KLF12: variants seen among roughly 807,000 people sequenced by gnomAD.
KLF12 encodes the protein Krueppel-like factor 12.
KLF12 carries 9 observed loss-of-function variants against 37.8 expected under a neutral mutation model. That is an observed-to-expected ratio of 0.24 (90% CI 0.14 to 0.42). KLF12 has a LOEUF of 0.42. Ranked by LOEUF, KLF12 falls within the 10% of genes least tolerant of loss-of-function variation. The pLI is 1.00. For synonymous variants in KLF12, 208 were observed against 202.1 expected, an observed-to-expected ratio of 1.03 and a Z score of -0.25; for missense variants, 411 against 516.0, an observed-to-expected ratio of 0.80 and a Z score of 1.97.
chr13:73,759,077 C>T (rs1879375093), intron 6 of KLF12, among the ~76,000 whole-genome samples: 1 of 152,114 alleles, frequency 6.6e-6, no homozygotes, highest in African/African-American at 2.4e-5. Flanking sequence ...ACCCTGCAGG[C>T]ACTTCTTTTT....
At chr13:74,125,328 A>G (rs1039012038) in intron 1 of KLF12, among the ~76,000 whole-genome samples, 1 of 152,170 alleles carries the variant, frequency 6.6e-6, no homozygotes, top group South Asian at 2.1e-4. Flanking sequence ...CAGGTGCTTT[A>G]AACAACTTAC....
At chr13:74,256,615 G>A in the KLF12 span, among the ~76,000 whole-genome samples, 2 of 152,020 alleles carry the variant, frequency 1.3e-5, no homozygotes, top group Non-Finnish European at 2.9e-5. Context: ...CACATTGGTG[G>A]TGGTGGTAGT....
At chr13:74,145,209 G>A in the KLF12 span, among the ~76,000 whole-genome samples, 10 of 152,100 alleles carry the variant, frequency 6.6e-5, no homozygotes, top group South Asian at 2.1e-4. Flanking sequence ...AGATGTGACC[G>A]TCGTATCTTA....
chr13:74,292,452 CT>C, the KLF12 span, among the ~76,000 whole-genome samples: 191 of 136,322 alleles, frequency 1.4e-3, no homozygotes, highest in Middle Eastern at 3.7e-3. Context: ...GTTTCTTTTT[CT>C]TTTTTTTTTT....
chr13:74,171,182 G>T, the KLF12 span, among the ~76,000 whole-genome samples: 1 of 152,158 alleles, frequency 6.6e-6, no homozygotes, highest in African/African-American at 2.4e-5. Context: ...TTTCCAGAAG[G>T]ATCCATCTCC....
chr13:74,073,568 T>C (rs1165836648), intron 1 of KLF12, among the ~76,000 whole-genome samples: 1 of 152,222 alleles, frequency 6.6e-6, no homozygotes, highest in Non-Finnish European at 1.5e-5. Flanking sequence ...AGTTTTGTTC[T>C]AGTGGTGGCC....
intron 6 of KLF12, among the ~76,000 whole-genome samples, chr13:73,735,621 T>C (rs1434466565): frequency 6.6e-6 from 1 of 151,974 alleles, no homozygotes; most frequent in Non-Finnish European, 1.5e-5. Context: ...CAGCATTTGG[T>C]CAAAAAAGGG....
intron 1 of KLF12, among the ~76,000 whole-genome samples, chr13:74,078,347 A>AT (rs1357086810): frequency 6.6e-6 from 1 of 152,232 alleles, no homozygotes; most frequent in Non-Finnish European, 1.5e-5. Flanking sequence ...TCCAAAGCAC[A>AT]TAACTGTTAC....
chr13:74,172,282 A>G, the KLF12 span, among the ~76,000 whole-genome samples: 9 of 152,156 alleles, frequency 5.9e-5, no homozygotes, highest in Non-Finnish European at 1.5e-5. Flanking sequence ...TAGGTTTTCC[A>G]TGTGTGATAT....
chr13:74,234,582 C>T, the KLF12 span, among the ~76,000 whole-genome samples: 34 of 151,954 alleles, frequency 2.2e-4, no homozygotes, highest in Non-Finnish European at 4.1e-4. Flanking sequence ...TTTTTAAAAC[C>T]AACAGAATGA....
chr13:74,131,848 C>T (rs1458283469), intron 1 of KLF12, among the ~76,000 whole-genome samples: 2 of 151,864 alleles, frequency 1.3e-5, no homozygotes, highest in African/African-American at 4.8e-5. Context: ...TAATAAACTG[C>T]TTTCCTAATT....
intron 1 of KLF12, among the ~76,000 whole-genome samples, chr13:74,011,470 A>G (rs1247035133): frequency 1.3e-5 from 2 of 152,200 alleles, no homozygotes; most frequent in Non-Finnish European, 2.9e-5. Flanking sequence ...ATCATTTTCT[A>G]TTGATACACA....
At chr13:73,697,186 T>C (rs1874211571) in intron 7 of KLF12, among the ~76,000 whole-genome samples, 1 of 152,076 alleles carries the variant, frequency 6.6e-6, no homozygotes, top group African/African-American at 2.4e-5. Flanking sequence ...AATGCCTACA[T>C]GGGAAAACTA....
At chr13:74,157,373 C>T in the KLF12 span, among the ~76,000 whole-genome samples, 2 of 152,208 alleles carry the variant, frequency 1.3e-5, no homozygotes, top group Non-Finnish European at 2.9e-5. Context: ...AGCAGGGCTA[C>T]AGTTACCTGT....
At chr13:74,137,022 G>C (rs1179635743), upstream of KLF12, among the ~76,000 whole-genome samples, 1 of 148,764 alleles carries the variant, frequency 6.7e-6, no homozygotes, top group African/African-American at 2.6e-5. Context: ...CTAGAGGAGT[G>C]TGTGTGTGTA....
intron 6 of KLF12, among the ~76,000 whole-genome samples, chr13:73,758,301 A>G (rs1458294774): frequency 2.0e-5 from 3 of 152,176 alleles, no homozygotes; most frequent in Non-Finnish European, 4.4e-5. Flanking sequence ...GCAGTAGTTT[A>G]AGCAGCTTTG....
intron 1 of KLF12, among the ~76,000 whole-genome samples, chr13:74,125,119 T>G (rs947731376): frequency 1.4e-5 from 2 of 141,642 alleles, no homozygotes; most frequent in African/African-American, 5.1e-5. Flanking sequence ...CACTCCGGCC[T>G]GAGCAACAGA....
the KLF12 span, among the ~76,000 whole-genome samples, chr13:74,241,524 C>T: frequency 2.6e-5 from 4 of 152,218 alleles, no homozygotes; most frequent in African/African-American, 2.4e-5. Context: ...TGGGCAATGG[C>T]GGGCGCCCCT....
intron 2 of KLF12, among the ~76,000 whole-genome samples, chr13:73,955,649 T>C (rs536102976): frequency 6.6e-6 from 1 of 152,344 alleles, no homozygotes; most frequent in Non-Finnish European, 1.5e-5. Flanking sequence ...TTACTGGTTC[T>C]CCTTTATGTG....
Sources: allele counts gnomAD v4.1 joint callset (sites outside exome capture counted in the v4.1 genomes callset), GRCh38; gene constraint gnomAD v4.1.1; transcripts MANE v1.5; gene names NCBI Gene and HGNC (gene_info 2026-07-23, HGNC 2026-07-21).